Variants in PUS7 observed in about 807,000 individuals in gnomAD.
The protein encoded by PUS7 is pseudouridine synthase 7, also known as pseudouridylate synthase 7 homolog.
A neutral mutation model predicts 79.8 loss-of-function variants in PUS7; 48 were observed. The observed-to-expected ratio is 0.60, with a 90% CI of 0.48 to 0.76. The LOEUF (loss-of-function observed/expected upper bound fraction) is 0.76. PUS7 is among the 30% of genes least tolerant of loss of function. PUS7 has a pLI of 0.00. For missense variants in PUS7, 729 were observed against 797.6 expected (o/e 0.91, Z 1.04); for synonymous variants, 286 against 272.2 (o/e 1.05, Z -0.50).
At chr7:105,491,068 C>G (rs1824761528) in intron 7 of PUS7, among the ~76,000 whole-genome samples, 1 of 152,228 alleles carries the variant, frequency 6.6e-6, no homozygotes. Flanking sequence ...CCTGTGTTCC[C>G]TCCACATCAA....
intron 1 of PUS7, among the ~76,000 whole-genome samples, chr7:105,519,315 T>A (rs2133306759): frequency 6.6e-6 from 1 of 151,270 alleles, no homozygotes; most frequent in South Asian, 2.1e-4. Context: ...CTCACCGCAA[T>A]CTCCACTTCC....
intron 1 of PUS7, among the ~76,000 whole-genome samples, chr7:105,515,678 A>C (rs781565892): frequency 1.3e-5 from 2 of 152,136 alleles, no homozygotes; most frequent in Non-Finnish European, 2.9e-5. Flanking sequence ...CCCAGGCTGG[A>C]GTGCAGTGGC....
intron 15 of PUS7, among the ~76,000 whole-genome samples, chr7:105,458,234 T>C (rs1563347736): frequency 6.6e-6 from 1 of 151,946 alleles, no homozygotes; most frequent in Non-Finnish European, 1.5e-5. Flanking sequence ...GAACAAGAAT[T>C]TGATGATGAG....
At chr7:105,464,014 G>A (rs1823539203) in intron 13 of PUS7, among the ~76,000 whole-genome samples, 1 of 152,164 alleles carries the variant, frequency 6.6e-6, no homozygotes. Flanking sequence ...ATCAAGCACT[G>A]TCGGGTACCA....
intron 5 of PUS7, among the ~76,000 whole-genome samples, chr7:105,500,561 G>A (rs3735368): frequency 0.15 from 23,049 of 152,112 alleles, 1,772 homozygotes; most frequent in South Asian, 0.18. Flanking sequence ...AGCAGAGTAA[G>A]ACCTTGCCTT....
At chr7:105,491,235 C>T (rs536510421) in intron 7 of PUS7, among the ~76,000 whole-genome samples, 10 of 152,000 alleles carry the variant, frequency 6.6e-5, no homozygotes, top group Non-Finnish European at 1.0e-4. Context: ...CTGTAGCTCT[C>T]GGGTGTACAA....
intron 14 of PUS7, chr7:105,462,241 G>A (rs1823461398): frequency 5.4e-6 from 1 of 185,194 alleles, no homozygotes; most frequent in South Asian, 1.1e-4. Flanking sequence ...ACACCAGCCT[G>A]GCCAATATGG....
At chr7:105,509,116 G>A (rs375107045) in intron 1 of PUS7, among the ~76,000 whole-genome samples, 3 of 135,850 alleles carry the variant, frequency 2.2e-5, no homozygotes, top group Non-Finnish European at 4.6e-5. Flanking sequence ...CCTGGGAGGC[G>A]GAGTTTGCAG....
chr7:105,462,862 T>C, intron 13 of PUS7, 112 bp from the exon 14 acceptor site: 3 of 977,948 alleles, frequency 3.1e-6, no homozygotes, highest in South Asian at 1.6e-5. Context: ...CCTAATAAAA[T>C]TAGTCACCTT....
rs1159017117 is a variant in PUS7, at chr7:105,492,500, A to ATTT, written c.843-886_843-884dup. Among the ~76,000 whole-genome samples, 85 of 87,284 alleles carry ATTT rather than the reference A, an allele frequency of 9.7e-4. 4 individuals carry two copies. The highest frequency in any genetic ancestry group is 4.0e-3 in the African/African-American group (81 of 20,066). 57.3% of individuals were successfully genotyped at this position (87,284 alleles called of 152,430 possible). A position where few individuals can be genotyped will look rare whatever the true frequency, so the allele number is the denominator to read the frequency against. On this transcript the variant is annotated intron_variant, in intron 6 of 15. Transcript: ENST00000469408. ...CCACCACATCTGGCTGATTTTTTGTATTTTTTTTTTTTTTTTTTTTTTTGA... is the reference window on the plus strand; with the variant it reads ...CCACCACATCTGGCTGATTTTTTGTATTTTTTTTTTTTTTTTTTTTTTTTTTGA...
chr7:105,466,573 A>C (rs1280909623), intron 12 of PUS7, among the ~76,000 whole-genome samples: 1 of 152,084 alleles, frequency 6.6e-6, no homozygotes, highest in East Asian at 1.9e-4. Context: ...TTTTCAATGA[A>C]AATTTAAAAA....
chr7:105,516,698 T>A (rs766153127), intron 1 of PUS7, among the ~76,000 whole-genome samples: 3 of 138,874 alleles, frequency 2.2e-5, no homozygotes, highest in Non-Finnish European at 4.6e-5. Flanking sequence ...AGGTGATCCA[T>A]CCACCTCGAC....
At chr7:105,491,375 G>A (rs541100210) in intron 7 of PUS7, among the ~76,000 whole-genome samples, 165 bp downstream of exon 7, 4 of 151,990 alleles carry the variant, frequency 2.6e-5, no homozygotes, top group East Asian at 1.9e-4. Flanking sequence ...AATAATACAC[G>A]TTTCATAGAT....
intron 12 of PUS7, 102 bp downstream of exon 12, chr7:105,468,235 A>G: frequency 4.1e-6 from 6 of 1,470,746 alleles, no homozygotes; most frequent in Non-Finnish European, 4.6e-6. Flanking sequence ...GCCTCACCAC[A>G]TCTCTCTTTC....
intron 6 of PUS7, among the ~76,000 whole-genome samples, chr7:105,492,072 T>A (rs910661450): frequency 1.0e-4 from 12 of 114,742 alleles, no homozygotes; most frequent in African/African-American, 3.3e-4. Context: ...AAAAAAAAAA[T>A]CTACTAAAAC....
chr7:105,487,188 A>T (rs1338437248), intron 7 of PUS7, among the ~76,000 whole-genome samples: 1 of 152,208 alleles, frequency 6.6e-6, no homozygotes, highest in Admixed American at 6.5e-5. Flanking sequence ...ACCACTATAT[A>T]CTTCAAGAAC....
intron 15 of PUS7, 41 bp downstream of exon 15, chr7:105,459,127 A>G (rs377724134): frequency 7.7e-7 from 1 of 1,305,932 alleles, no homozygotes; most frequent in African/African-American, 1.5e-5. Flanking sequence ...TTAACAAAAC[A>G]TTTCAAAGTC....
At chr7:105,468,553 T>A (rs1008071002) in intron 11 of PUS7, 90 bp from the exon 12 acceptor site, 6 of 1,232,068 alleles carry the variant, frequency 4.9e-6, no homozygotes, top group Admixed American at 2.4e-5. Flanking sequence ...GGTCTTGCTC[T>A]CTTGCCCAGG....
At chr7:105,510,885 T>C (rs976036834) in intron 1 of PUS7, among the ~76,000 whole-genome samples, 1 of 152,112 alleles carries the variant, frequency 6.6e-6, no homozygotes, top group African/African-American at 2.4e-5. Context: ...ATGCTGAAGG[T>C]AACATACTGA....
Sources: allele counts gnomAD v4.1 joint callset (sites outside exome capture counted in the v4.1 genomes callset), GRCh38; gene constraint gnomAD v4.1.1; transcripts MANE v1.5; gene names NCBI Gene and HGNC (gene_info 2026-07-23, HGNC 2026-07-21).